SPIDR: variants seen among roughly 807,000 people sequenced by gnomAD.
The protein encoded by SPIDR is scaffold protein involved in DNA repair, also known as DNA repair-scaffolding protein.
In SPIDR, 93 loss-of-function variants were observed where a neutral mutation model predicts 104.6. The observed-to-expected ratio is 0.89, with a 90% CI of 0.75 to 1.06. SPIDR has a LOEUF of 1.06. Ranked by LOEUF, SPIDR falls within the 50% of genes least tolerant of loss-of-function variation. The pLI, the probability that SPIDR is intolerant of heterozygous loss-of-function variation, is 0.00. For synonymous variants in SPIDR, 431 were observed against 416.9 expected (o/e 1.03, Z -0.41); for missense variants, 1,154 against 1,111.2 (o/e 1.04, Z -0.55).
At chr8:47,541,141 C>T (rs957185658) in intron 8 of SPIDR, among the ~76,000 whole-genome samples, 2 of 152,136 alleles carry the variant, frequency 1.3e-5, no homozygotes, top group Admixed American at 6.5e-5. Context: ...ATTACAGGCA[C>T]GAGCCACTGC....
intron 1 of SPIDR, among the ~76,000 whole-genome samples, chr8:47,269,273 C>T (rs1169775042): frequency 6.6e-5 from 10 of 150,772 alleles, no homozygotes; most frequent in African/African-American, 2.4e-4. Flanking sequence ...TTTTTTTCCC[C>T]CCAAGACAGA....
intron 5 of SPIDR, among the ~76,000 whole-genome samples, chr8:47,348,372 C>T (rs1039462923): frequency 6.6e-6 from 1 of 152,158 alleles, no homozygotes; most frequent in South Asian, 2.1e-4. Flanking sequence ...TCTCTGGCTG[C>T]CCTTAACATT....
intron 19 of SPIDR, among the ~76,000 whole-genome samples, chr8:47,731,385 G>A (rs561764415): frequency 3.9e-5 from 6 of 152,330 alleles, no homozygotes; most frequent in East Asian, 1.9e-4. Flanking sequence ...TGCTGAGGCC[G>A]GGCTGTGGAG....
intron 5 of SPIDR, among the ~76,000 whole-genome samples, chr8:47,313,420 A>C (rs1455297772): frequency 6.6e-6 from 1 of 152,236 alleles, no homozygotes; most frequent in African/African-American, 2.4e-5. Context: ...AGAGGATACA[A>C]ACAAATGGAA....
At chr8:47,305,844 C>G (rs1370357514) in intron 5 of SPIDR, among the ~76,000 whole-genome samples, 1 of 152,104 alleles carries the variant, frequency 6.6e-6, no homozygotes, top group African/African-American at 2.4e-5. Context: ...ACTATTTTGA[C>G]CATTTTAAAA....
At position 47,557,787 on chromosome 8, in the gene SPIDR, C is replaced by T. The variant is rs546540499; in HGVS notation, c.1098-38024C>T. The stretch of plus-strand genomic sequence containing the variant: ...AAGACAATTAAGACCTTTTGAGATA[C>T]GCACAAGACTTTTGTGCTCTTTAAT... On this transcript the variant is annotated intron_variant, in intron 8 of 19. Transcript: ENST00000297423. Among the ~76,000 whole-genome samples, 8 of 152,262 alleles carry T rather than the reference C, an allele frequency of 5.3e-5. No individual in the cohort carries two copies. In the South Asian group the frequency reaches 1.7e-3, roughly 32 times the overall value.
chr8:47,397,069 G>T (rs2061327662), intron 6 of SPIDR, among the ~76,000 whole-genome samples: 1 of 152,108 alleles, frequency 6.6e-6, no homozygotes, highest in African/African-American at 2.4e-5. Context: ...GTCAGTCAGG[G>T]GCTGGGCTGT....
intron 5 of SPIDR, among the ~76,000 whole-genome samples, chr8:47,356,287 T>C (rs1345602836): frequency 6.6e-6 from 1 of 152,230 alleles, no homozygotes; most frequent in Non-Finnish European, 1.5e-5. Flanking sequence ...TATGAAACAG[T>C]TTTACTCCTG....
intron 8 of SPIDR, among the ~76,000 whole-genome samples, chr8:47,570,518 A>G (rs1044671747): frequency 6.6e-6 from 1 of 152,230 alleles, no homozygotes; most frequent in African/African-American, 2.4e-5. Context: ...ATTCTTAGGT[A>G]TGACACTAAA....
intron 8 of SPIDR, among the ~76,000 whole-genome samples, chr8:47,483,907 T>G (rs1360173588): frequency 2.6e-5 from 4 of 152,112 alleles, no homozygotes; most frequent in African/African-American, 9.7e-5. Context: ...GTTCCAGTTT[T>G]ACTAGAGAAA....
At chr8:47,496,637 A>G (rs2154369201) in intron 8 of SPIDR, among the ~76,000 whole-genome samples, 2 of 150,480 alleles carry the variant, frequency 1.3e-5, no homozygotes, top group Middle Eastern at 3.5e-3. Flanking sequence ...CATAAGAGAT[A>G]TGGGTCTGGA....
chr8:47,358,103 G>C (rs569672973), intron 5 of SPIDR, among the ~76,000 whole-genome samples: 1 of 152,128 alleles, frequency 6.6e-6, no homozygotes, highest in African/African-American at 2.4e-5. Context: ...TTTAGGTCTC[G>C]CTCTGTTGCC....
intron 5 of SPIDR, among the ~76,000 whole-genome samples, chr8:47,345,284 A>G (rs921734123): frequency 2.6e-5 from 4 of 152,052 alleles, no homozygotes; most frequent in Non-Finnish European, 5.9e-5. Context: ...GATGTGTGGT[A>G]TTATTTCTGA....
intron 16 of SPIDR, among the ~76,000 whole-genome samples, chr8:47,717,092 G>A (rs1045576195): frequency 6.6e-6 from 1 of 152,148 alleles, no homozygotes; most frequent in South Asian, 2.1e-4. Context: ...TGAGCAGACC[G>A]GCTACAGGGA....
intron 8 of SPIDR, among the ~76,000 whole-genome samples, chr8:47,444,021 C>G (rs1156539053): frequency 6.6e-6 from 1 of 151,946 alleles, no homozygotes; most frequent in Non-Finnish European, 1.5e-5. Flanking sequence ...ATATAAGTCA[C>G]CAACTTACAA....
At chr8:47,556,793 G>A (rs1221232764) in intron 8 of SPIDR, among the ~76,000 whole-genome samples, 1 of 152,026 alleles carries the variant, frequency 6.6e-6, no homozygotes, top group South Asian at 2.1e-4. Context: ...TGATAGAGAA[G>A]GGGTGTTGCT....
intron 8 of SPIDR, among the ~76,000 whole-genome samples, chr8:47,481,303 A>G (rs1227622155): frequency 1.3e-5 from 2 of 152,194 alleles, no homozygotes; most frequent in Non-Finnish European, 2.9e-5. Flanking sequence ...ATATAATGTT[A>G]AGTGAAAAAC....
intron 5 of SPIDR, among the ~76,000 whole-genome samples, chr8:47,349,468 A>G (rs1373213124): frequency 6.6e-6 from 1 of 152,180 alleles, no homozygotes; most frequent in African/African-American, 2.4e-5. Context: ...TCAGATCTCA[A>G]ACTCCATTCT....
chr8:47,330,837 A>T (rs539993059), intron 5 of SPIDR: 1 of 456,132 alleles, frequency 2.2e-6, no homozygotes, highest in South Asian at 1.5e-5. Flanking sequence ...TTCCGTGTGG[A>T]GATAAACTTT....
Sources: gnomAD v4.1 joint callset for allele counts (sites outside exome capture counted in the v4.1 genomes callset) on GRCh38, gnomAD v4.1.1 for gene constraint, MANE v1.5 for transcripts, NCBI Gene and HGNC (gene_info 2026-07-23, HGNC 2026-07-21) for gene names.